Variants in HOPX observed in about 807,000 individuals in gnomAD.
The protein encoded by HOPX is homeodomain-only protein.
Under a neutral mutation model 11.8 loss-of-function variants are expected in HOPX, and 5 were observed. The observed-to-expected ratio is 0.43, with a 90% CI of 0.22 to 0.89. The LOEUF (loss-of-function observed/expected upper bound fraction) is 0.89. Among genes scored for constraint, HOPX ranks in the 40% least tolerant of loss-of-function variants. HOPX has a pLI of 0.28. For missense variants in HOPX, 119 were observed against 120.0 expected, an observed-to-expected ratio of 0.99 and a Z score of 0.04; for synonymous variants, 49 against 49.7, an observed-to-expected ratio of 0.99 and a Z score of 0.06.
intron 3 of HOPX, among the ~76,000 whole-genome samples, chr4:56,651,873 AGTGTGTGTGTGTGTGT>A (rs796685500): frequency 7.3e-6 from 1 of 136,678 alleles, no homozygotes; most frequent in Non-Finnish European, 1.6e-5. Flanking sequence ...AGAGAGAGAG[AGTGTGTGTGTGTGTGT>A]GTGTGTGTGT....
intron 1 of HOPX, among the ~76,000 whole-genome samples, chr4:56,677,294 A>G (rs913581055): frequency 6.6e-6 from 1 of 151,770 alleles, no homozygotes. Context: ...TTGAAAAATT[A>G]TACTGAAAAC....
Position 56,648,673 on chromosome 4 carries a change from A to T in HOPX, c.*47T>A. On this transcript the variant is annotated 3_prime_UTR_variant, in exon 4 of 4. Coordinates refer to ENST00000420433, the MANE Select transcript of HOPX (RefSeq NM_032495.6). ...CAGCTTGGTTAAGCGGAGGAGAGAA[A>T]CAGAGATGGCCTTCATGGAGTGAAG... The T allele has an allele frequency of 7.2e-7, 1 of 1,397,482 alleles. No homozygotes were observed. The highest frequency in any genetic ancestry group is 1.8e-5 in the Admixed American group (1 of 55,818). 86.6% of individuals were successfully genotyped at this position (1,397,482 alleles called of 1,614,324 possible).
At chr4:56,655,773 G>C (rs917545555) in intron 3 of HOPX, 84 bp downstream of exon 3, 8 of 1,459,604 alleles carry the variant, frequency 5.5e-6, no homozygotes, top group Non-Finnish European at 7.4e-6. Flanking sequence ...CCGGCGGGAG[G>C]CGCGGACGAA....
At chr4:56,658,257 T>C (rs899375392) in intron 1 of HOPX, among the ~76,000 whole-genome samples, 5 of 152,264 alleles carry the variant, frequency 3.3e-5, no homozygotes, top group African/African-American at 1.2e-4. Context: ...ATTCCTGTTA[T>C]AACACTCAAG....
At chr4:56,666,665 G>C (rs1483786601) in intron 1 of HOPX, among the ~76,000 whole-genome samples, 1 of 152,200 alleles carries the variant, frequency 6.6e-6, no homozygotes, top group East Asian at 1.9e-4. Flanking sequence ...GAAATAAGTG[G>C]AGTATTTAGT....
At chr4:56,671,725 C>T (rs1219275971) in intron 1 of HOPX, among the ~76,000 whole-genome samples, 1 of 152,076 alleles carries the variant, frequency 6.6e-6, no homozygotes, top group African/African-American at 2.4e-5. Context: ...CCAGAATGTC[C>T]AGCTCAGGGG....
intron 2 of HOPX, 95 bp from the exon 3 acceptor site, chr4:56,656,107 G>A (rs984586905): frequency 2.3e-6 from 3 of 1,289,284 alleles, no homozygotes; most frequent in Non-Finnish European, 3.0e-6. Context: ...GGCAGCCCCA[G>A]CCCCAGGCCG....
chr4:56,655,786 G>A, intron 3 of HOPX, 71 bp downstream of exon 3: 3 of 1,516,592 alleles, frequency 2.0e-6, no homozygotes, highest in Non-Finnish European at 2.7e-6. Flanking sequence ...CGGACGAACA[G>A]GACCGCCCAG....
intron 3 of HOPX, among the ~76,000 whole-genome samples, chr4:56,652,328 G>A (rs1326877992): frequency 6.6e-6 from 1 of 152,160 alleles, no homozygotes; most frequent in Non-Finnish European, 1.5e-5. Flanking sequence ...TCTTGCAAGA[G>A]CACTGGGCAG....
At chr4:56,648,896 G>C in intron 3 of HOPX, 99 bp from the exon 4 acceptor site, 1 of 894,904 alleles carries the variant, frequency 1.1e-6, no homozygotes, top group Non-Finnish European at 1.8e-6. Context: ...AAGTGGAAAG[G>C]AGAGAATCAA....
chr4:56,662,484 C>CTTCT (rs1560369054), intron 1 of HOPX: 112 of 93,232 alleles, frequency 1.2e-3, no homozygotes, highest in African/African-American at 4.2e-3. Context: ...TTTCTTTCTT[C>CTTCT]TTTTTTTTTT....
chr4:56,681,330 G>A (rs999928682), upstream of HOPX: 37 of 985,360 alleles, frequency 3.8e-5, no homozygotes, highest in Non-Finnish European at 4.0e-5. Flanking sequence ...TTAAATAGCT[G>A]GGCTGGCTGA....
intron 1 of HOPX, among the ~76,000 whole-genome samples, chr4:56,677,294 A>C (rs913581055): frequency 6.6e-6 from 1 of 151,770 alleles, no homozygotes; most frequent in African/African-American, 2.4e-5. Context: ...TTGAAAAATT[A>C]TACTGAAAAC....
chr4:56,661,618 G>A (rs780983531), intron 1 of HOPX, among the ~76,000 whole-genome samples: 3 of 152,084 alleles, frequency 2.0e-5, no homozygotes, highest in Non-Finnish European at 4.4e-5. Context: ...ACACTTGTAC[G>A]GTCAAACCTA....
chr4:56,651,884 G>T lies in HOPX; in HGVS notation c.199-3087C>A, dbSNP rs113176245. Among the ~76,000 whole-genome samples the T allele has an allele frequency of 6.2e-3, 542 of 87,918 alleles. 4 individuals carry two copies. Among genetic ancestry groups the T allele is most frequent in the Admixed American group, 0.01 (104 of 10,318 alleles). 57.7% of individuals were successfully genotyped at this position (87,918 alleles called of 152,430 possible). A position where few individuals can be genotyped will look rare whatever the true frequency, so the allele number is the denominator to read the frequency against. ...AGAGAGAGAGAGAGAGTGTGTGTGT[G>T]TGTGTGTGTGTGTGTGTGTGTGTGT... is the stretch of plus-strand genomic sequence containing the variant. On this transcript the variant is annotated intron_variant, in intron 3 of 3. Transcript: ENST00000420433.
chr4:56,669,772 C>T (rs541437791), intron 1 of HOPX, among the ~76,000 whole-genome samples: 2 of 152,158 alleles, frequency 1.3e-5, no homozygotes, highest in South Asian at 4.2e-4. Flanking sequence ...CCTTATTATA[C>T]ATAAAATGTT....
intron 3 of HOPX, chr4:56,650,445 A>T (rs772523569): frequency 1.5e-5 from 7 of 473,044 alleles, no homozygotes; most frequent in Non-Finnish European, 2.6e-5. Context: ...GCTGAAAGGG[A>T]ATTCAGTATA....
chr4:56,651,211 C>A (rs771693925), intron 3 of HOPX: 6 of 156,026 alleles, frequency 3.8e-5, no homozygotes, highest in Non-Finnish European at 8.5e-5. Context: ...AAAATAACTT[C>A]AGCAGGGACC....
intron 3 of HOPX, among the ~76,000 whole-genome samples, chr4:56,651,675 C>T (rs1423244427): frequency 1.3e-5 from 2 of 152,144 alleles, no homozygotes; most frequent in Non-Finnish European, 2.9e-5. Context: ...ACTAACATTT[C>T]ATTCTTTTCA....
Sources: allele counts gnomAD v4.1 joint callset (sites outside exome capture counted in the v4.1 genomes callset), GRCh38; gene constraint gnomAD v4.1.1; transcripts MANE v1.5; gene names NCBI Gene and HGNC (gene_info 2026-07-23, HGNC 2026-07-21).